PCDHA1: variants seen among roughly 807,000 people sequenced by gnomAD.
PCDHA1 encodes the protein protocadherin alpha 1, also known as protocadherin alpha-1.
A neutral mutation model predicts 61.3 loss-of-function variants in PCDHA1; 42 were observed. The ratio of observed to expected loss-of-function variants is 0.69; its 90% confidence interval spans 0.54 to 0.89. The LOEUF (loss-of-function observed/expected upper bound fraction) is 0.89. Among genes scored for constraint, PCDHA1 ranks in the 40% least tolerant of loss-of-function variants. PCDHA1 has a pLI of 0.00. For synonymous variants in PCDHA1, 610 were observed against 553.8 expected, an observed-to-expected ratio of 1.10 and a Z score of -1.43; for missense variants, 1,256 against 1,235.3, an observed-to-expected ratio of 1.02 and a Z score of -0.25.
chr5:140,918,901 CTT>C (rs1386679785), intron 1 of PCDHA1, among the ~76,000 whole-genome samples: 6 of 152,198 alleles, frequency 3.9e-5, no homozygotes, highest in African/African-American at 1.4e-4. Flanking sequence ...ATAAATCTCT[CTT>C]GTTTATTAAC....
At chr5:140,871,097 T>A in intron 1 of PCDHA1, 1 of 1,613,266 alleles carries the variant, frequency 6.2e-7, no homozygotes, top group Admixed American at 1.7e-5. Flanking sequence ...GCCACCGTGC[T>A]GGTGTCGTTG....
rs782751288 is a variant in PCDHA1, at chr5:140,803,447, C to T, written c.2394+14763C>T. 15 of 1,614,048 alleles carry T rather than the reference C, an allele frequency of 9.3e-6. No individual in the cohort carries two copies. In the Admixed American group the frequency reaches 2.0e-4, roughly 22 times the overall value. The stretch of plus-strand genomic sequence containing the variant: ...CCAGCGCGGTGGGGAGCTGGTCATA[C>T]TCGCAGCAGAGGCAGCAGAGGGTGT... On this transcript the variant is annotated intron_variant, in intron 1 of 3. Transcript: ENST00000504120.
intron 3 of PCDHA1, among the ~76,000 whole-genome samples, chr5:140,993,344 A>G (rs1379621962): frequency 1.3e-5 from 2 of 152,022 alleles, no homozygotes; most frequent in Admixed American, 6.6e-5. Context: ...GAAGGGCACT[A>G]CGAAGATCCT....
intron 1 of PCDHA1, among the ~76,000 whole-genome samples, chr5:140,958,318 CA>C (rs2095417948): frequency 6.6e-6 from 1 of 151,816 alleles, no homozygotes; most frequent in Non-Finnish European, 1.5e-5. Flanking sequence ...AATTAGAGCT[CA>C]AAAAATAAAT....
At chr5:140,966,796 G>A (rs1255615650) in intron 1 of PCDHA1, 8 of 1,535,610 alleles carry the variant, frequency 5.2e-6, no homozygotes, top group African/African-American at 1.4e-5. Flanking sequence ...GACCTGCGGC[G>A]ACAGAGCATC....
At chr5:140,862,583 A>C in intron 1 of PCDHA1, 1 of 494,044 alleles carries the variant, frequency 2.0e-6, no homozygotes, top group South Asian at 1.6e-5. Flanking sequence ...GCGTTCCAGC[A>C]GCCCGAGTAC....
intron 1 of PCDHA1, among the ~76,000 whole-genome samples, chr5:140,896,083 T>G (rs1202809868): frequency 6.6e-6 from 1 of 152,184 alleles, no homozygotes; most frequent in African/African-American, 2.4e-5. Context: ...CATGCTGGGA[T>G]TACAGGCGTG....
chr5:140,843,653 C>T lies in PCDHA1; in HGVS notation c.2394+54969C>T, dbSNP rs2150364582. On this transcript the variant is annotated intron_variant, in intron 1 of 3. Coordinates refer to ENST00000504120, the MANE Select transcript of PCDHA1 (RefSeq NM_018900.4). ...CATGGCCTTCAGCCCCTGCCTTCCT[C>T]CTGATCTGGGATCAGTTGATGTAGG... is the stretch of plus-strand genomic sequence containing the variant. 2.4e-5 allele frequency: 38 copies of T among 1,595,020 alleles called. 6 individuals carry two copies. The highest frequency in any genetic ancestry group is 3.0e-5 in the Non-Finnish European group (35 of 1,164,614).
intron 1 of PCDHA1, chr5:140,801,872 G>C: frequency 6.2e-7 from 1 of 1,614,050 alleles, no homozygotes; most frequent in Non-Finnish European, 8.5e-7. Context: ...TCACTGGCAC[G>C]ACTCAACTAA....
rs782756413 is a variant in PCDHA1, at chr5:140,786,609, G to A, written c.319G>A (p.Glu107Lys). ...QWSAECSIHL[E>K]LIADRPLQVF... The stretch of plus-strand genomic sequence containing the variant: ...GAGCGCGGAGTGCAGCATCCACCTG[G>A]AGTTGATCGCCGACAGGCCGCTGCA... The change falls in exon 1 of 4, where the codon GAG becomes AAG. Residue 107 changes from glutamate to lysine, a missense_variant. Glu to Lys is a moderately conservative substitution (Grantham distance 56, BLOSUM62 1). Coordinates refer to ENST00000504120, the MANE Select transcript of PCDHA1 (RefSeq NM_018900.4). The A allele has an allele frequency of 2.5e-6, 4 of 1,614,278 alleles. No individual in the cohort carries two copies. The highest frequency in any genetic ancestry group is 2.5e-6 in the Non-Finnish European group (3 of 1,180,054).
At chr5:140,794,706 A>T (rs782696889) in intron 1 of PCDHA1, 1 of 448,392 alleles carries the variant, frequency 2.2e-6, no homozygotes, top group Non-Finnish European at 3.9e-6. Context: ...TTTTTCCAAG[A>T]TGAAAGCTAT....
chr5:140,870,271 C>T (rs2051826884), intron 1 of PCDHA1: 1 of 1,614,176 alleles, frequency 6.2e-7, no homozygotes, highest in Non-Finnish European at 8.5e-7. Flanking sequence ...CTCGCTGACG[C>T]CCCACGTTCC....
At chr5:140,906,083 A>G (rs1554192390) in intron 1 of PCDHA1, among the ~76,000 whole-genome samples, 1 of 152,146 alleles carries the variant, frequency 6.6e-6, no homozygotes, top group Non-Finnish European at 1.5e-5. Context: ...ACCCACCCAG[A>G]CTGAGAGTAA....
At chr5:140,845,612 G>A (rs1234666681) in intron 1 of PCDHA1, among the ~76,000 whole-genome samples, 1 of 149,312 alleles carries the variant, frequency 6.7e-6, no homozygotes, top group Non-Finnish European at 1.5e-5. Flanking sequence ...TAAGTATTGT[G>A]GATTCTGAAG....
At chr5:140,796,266 A>G in intron 1 of PCDHA1, 5 of 1,614,046 alleles carry the variant, frequency 3.1e-6, no homozygotes, top group Non-Finnish European at 3.4e-6. Flanking sequence ...GCTCGCCTTC[A>G]CTGTGGGCCA....
chr5:140,870,627 G>C, intron 1 of PCDHA1: 4 of 1,613,028 alleles, frequency 2.5e-6, no homozygotes, highest in Non-Finnish European at 3.4e-6. Context: ...GCTACGTGTC[G>C]GTGCACGCGG....
At chr5:140,848,904 CAAA>C in intron 1 of PCDHA1, 1 of 1,608,060 alleles carries the variant, frequency 6.2e-7, no homozygotes, top group Non-Finnish European at 8.5e-7. Context: ...CCCAGCGACA[CAAA>C]AGAATCTGTT....
intron 1 of PCDHA1, chr5:140,821,814 C>A (rs139136006): frequency 5.7e-5 from 92 of 1,613,758 alleles, no homozygotes; most frequent in Non-Finnish European, 7.6e-5. Flanking sequence ...GATCCCGGCT[C>A]CTGCTGCTCT....
Position 140,870,561 on chromosome 5 carries a change from C to A in PCDHA1, c.2394+81877C>A, listed in dbSNP as rs544569992. On this transcript the variant is annotated intron_variant, in intron 1 of 3. Transcript: ENST00000504120. Reference sequence around the variant, plus strand: ...CGCGGGACGCGGACGCGCAGGAGAACGCGCTGGTGTCCTACTCGCTGGTGG... The same window carrying A: ...CGCGGGACGCGGACGCGCAGGAGAAAGCGCTGGTGTCCTACTCGCTGGTGG... 86 of 1,614,010 alleles carry A rather than the reference C, an allele frequency of 5.3e-5. No homozygotes were observed. In the East Asian group the frequency reaches 1.7e-3, roughly 33 times the overall value.
Sources: allele counts gnomAD v4.1 joint callset (sites outside exome capture counted in the v4.1 genomes callset), GRCh38; gene constraint gnomAD v4.1.1; transcripts MANE v1.5; gene names NCBI Gene and HGNC (gene_info 2026-07-23, HGNC 2026-07-21).